The following ADAT1 variants were observed in gnomAD, a reference collection of about 807,000 sequenced individuals.
ADAT1 encodes adenosine deaminase tRNA specific 1.
Under a neutral mutation model 58.6 loss-of-function variants are expected in ADAT1, and 58 were observed. That is an observed-to-expected ratio of 0.99 (90% CI 0.80 to 1.23). The LOEUF is 1.23. Ranked by LOEUF, ADAT1 falls within the 50% of genes most tolerant of loss-of-function variation. The pLI, the probability that ADAT1 is intolerant of heterozygous loss-of-function variation, is 0.00. For missense variants in ADAT1, 741 were observed against 608.6 expected (o/e 1.22, Z -2.29); for synonymous variants, 254 against 220.8 (o/e 1.15, Z -1.33).
At chr16:75,608,559 A>G (rs552120277) in intron 7 of ADAT1, 1 of 582,890 alleles carries the variant, frequency 1.7e-6, no homozygotes, top group Non-Finnish European at 3.0e-6. Flanking sequence ...CTGGGCACAG[A>G]GTAAATGCAT....
At chr16:75,605,414 A>G (rs2081343153) in intron 8 of ADAT1, among the ~76,000 whole-genome samples, 1 of 151,948 alleles carries the variant, frequency 6.6e-6, no homozygotes. Flanking sequence ...TCTTAATAAC[A>G]TTTTCTTTTT....
chr16:75,599,187 T>C lies in ADAT1; in HGVS notation c.*1029A>G. 3.3e-6 allele frequency: 3 copies of C among 919,358 alleles called. No individual in the cohort carries two copies. Among genetic ancestry groups the C allele is most frequent in the African/African-American group, 1.8e-5 (1 of 54,920 alleles). 57.0% of individuals were successfully genotyped at this position (919,358 alleles called of 1,614,324 possible). A position where few individuals can be genotyped will look rare whatever the true frequency, so the allele number is the denominator to read the frequency against. On this transcript the variant is annotated 3_prime_UTR_variant, in exon 10 of 10. Transcript: ENST00000564657. Reference sequence around the variant, plus strand: ...ACCTCCGCCTCCTGGGTTCAAGCAATTCTCCTGCCTCAGCCTCCCGAGTAG... The same window carrying C: ...ACCTCCGCCTCCTGGGTTCAAGCAACTCTCCTGCCTCAGCCTCCCGAGTAG...
At chr16:75,601,506 T>C (rs1202782162) in intron 9 of ADAT1, among the ~76,000 whole-genome samples, 1 of 151,578 alleles carries the variant, frequency 6.6e-6, no homozygotes, top group South Asian at 2.1e-4. Context: ...CCTGTAATCC[T>C]GGCACTTTGG....
In ADAT1 at chr16:75,612,529, C is replaced by T. The variant is rs755046396; in HGVS notation, c.757G>A (p.Val253Met). ...VTRIAPGSAK[V>M]IDVYRTGAKC... ...GCTCCAGTTCTATAAACGTCTATCA[C>T]TTTGGCACTACCAGGGGCTATTCTG... is the stretch of plus-strand genomic sequence containing the variant. The change falls in exon 6 of 10, where the codon GTG (valine) becomes ATG (methionine). Residue 253 changes from valine to methionine, a missense_variant. Val to Met is a conservative substitution (Grantham distance 21). Coordinates refer to ENST00000564657, the MANE Select transcript of ADAT1 (RefSeq NM_001324445.2). The T allele has an allele frequency of 2.5e-6, 4 of 1,614,198 alleles. No individual in the cohort carries two copies. Among genetic ancestry groups the T allele is most frequent in the Non-Finnish European group, 1.7e-6 (2 of 1,180,050 alleles).
chr16:75,620,875 G>A, intron 1 of ADAT1, 55 bp from the exon 2 acceptor site: 2 of 1,457,902 alleles, frequency 1.4e-6, no homozygotes, highest in Non-Finnish European at 1.9e-6. Context: ...AGTGCACGAT[G>A]CTACAGCCTC....
intron 9 of ADAT1, among the ~76,000 whole-genome samples, 163 bp downstream of exon 9, chr16:75,602,922 C>T (rs879245222): frequency 6.6e-6 from 1 of 152,170 alleles, no homozygotes; most frequent in Admixed American, 6.5e-5. Context: ...AGATCATGCA[C>T]GTATCTGCAA....
chr16:75,620,477 G>T, intron 2 of ADAT1, 143 bp from the exon 3 acceptor site: 2 of 1,388,348 alleles, frequency 1.4e-6, no homozygotes, highest in Admixed American at 1.8e-5. Flanking sequence ...GCGGTCTCCC[G>T]CCATCAGAGG....
chr16:75,618,794 G>T (rs941992482), intron 3 of ADAT1, 154 bp from the exon 4 acceptor site: 23 of 823,162 alleles, frequency 2.8e-5, no homozygotes, highest in Non-Finnish European at 4.1e-5. Flanking sequence ...GAATAACAAT[G>T]CATCAGGTGC....
intron 2 of ADAT1, 138 bp from the exon 3 acceptor site, chr16:75,620,472 C>G (rs2081896282): frequency 7.3e-7 from 1 of 1,372,996 alleles, no homozygotes; most frequent in Non-Finnish European, 1.0e-6. Flanking sequence ...GCATGGCGGT[C>G]TCCCGCCATC....
Position 75,600,055 on chromosome 16 carries a change from G to A in ADAT1, c.*161C>T. On this transcript the variant is annotated 3_prime_UTR_variant, in exon 10 of 10. Transcript: ENST00000564657. ...CAGAGAGCTACTTCAATCAAGTATA[G>A]CTTGCTCTAAGTTCCAGATTCCATC... 2.7e-6 allele frequency: 4 copies of A among 1,481,778 alleles called. No homozygotes were observed. The South Asian group carries it at 5.7e-5, about 21-fold the overall frequency. 91.8% of individuals were successfully genotyped at this position (1,481,778 alleles called of 1,614,324 possible).
chr16:75,612,173 G>A (rs1167430365), intron 6 of ADAT1, 70 bp downstream of exon 6: 2 of 1,505,756 alleles, frequency 1.3e-6, no homozygotes, highest in Non-Finnish European at 1.8e-6. Flanking sequence ...GATTCTTAAT[G>A]CTCTTAGGCC....
intron 8 of ADAT1, among the ~76,000 whole-genome samples, chr16:75,605,689 A>T (rs554931474): frequency 3.7e-4 from 57 of 152,094 alleles, no homozygotes; most frequent in African/African-American, 1.3e-3. Flanking sequence ...TAATCCCAGC[A>T]CTTTGGGAGG....
chr16:75,608,777 C>A (rs1045753402), intron 7 of ADAT1, 66 bp downstream of exon 7: 7 of 1,556,030 alleles, frequency 4.5e-6, no homozygotes, highest in Admixed American at 4.1e-5. Context: ...AGGATGCCGA[C>A]CCTCTGGGGC....
intron 1 of ADAT1, among the ~76,000 whole-genome samples, 169 bp from the exon 2 acceptor site, chr16:75,620,989 T>C (rs1310894707): frequency 6.6e-6 from 1 of 152,214 alleles, no homozygotes; most frequent in African/African-American, 2.4e-5. Context: ...CCTTTTCATC[T>C]TTAATGAAAG....
intron 5 of ADAT1, among the ~76,000 whole-genome samples, chr16:75,616,573 AC>A (rs1410184294): frequency 1.3e-5 from 2 of 152,094 alleles, no homozygotes; most frequent in Non-Finnish European, 2.9e-5. Flanking sequence ...CGGAAATGAC[AC>A]CCCCTTCACC....
rs372845498 is a variant in ADAT1 at position 75,612,417 on chromosome 16, C to A, written c.869G>T (p.Arg290Leu). The change falls in exon 6 of 10, where the codon CGT (arginine) becomes CTT (leucine). Residue 290 changes from arginine (R) to leucine (L), a missense_variant. Coordinates refer to ENST00000564657, the MANE Select transcript of ADAT1 (RefSeq NM_001324445.2). ...GGACATGGAGCGTGTTCTGTCTCCA[C>A]GGCCTGGCTTCACTCGGAGCAGCCC... is the stretch of plus-strand genomic sequence containing the variant. ...QVGLLRVKPG[R>L]GDRTRSMSCS... 1.2e-6 allele frequency: 2 copies of A among 1,614,228 alleles called. No individual in the cohort carries two copies. The highest frequency in any genetic ancestry group is 1.1e-5 in the South Asian group (1 of 91,090).
In ADAT1 at chr16:75,599,074, CTTTTTTTTTT is replaced by C. The variant is rs1051010531; in HGVS notation, c.*1132_*1141del. On this transcript the variant is annotated 3_prime_UTR_variant, in exon 10 of 10. Transcript: ENST00000564657. The stretch of plus-strand genomic sequence containing the variant: ...GATTTGCTGCAGGGCCTTTTGGCTT[CTTTTTTTTTT>C]TTTTTTTTTTTTTTTGAGATAGGGT... 1.7e-5 allele frequency: 15 copies of C among 858,644 alleles called. No individual in the cohort carries two copies. Among genetic ancestry groups the C allele is most frequent in the Admixed American group, 3.2e-4 (2 of 6,256 alleles). 53.2% of individuals were successfully genotyped at this position (858,644 alleles called of 1,614,324 possible).
At chr16:75,613,393 C>G (rs1316680664) in intron 5 of ADAT1, among the ~76,000 whole-genome samples, 2 of 152,158 alleles carry the variant, frequency 1.3e-5, no homozygotes. Flanking sequence ...TCTCTACCTC[C>G]TGGGTTCAAG....
At chr16:75,612,219 A>G (rs757595378) in intron 6 of ADAT1, 24 bp downstream of exon 6, 17 of 1,604,928 alleles carry the variant, frequency 1.1e-5, no homozygotes, top group Admixed American at 1.7e-5. Context: ...GACTGTTCCA[A>G]TTGAGCCCTC....
Sources: allele counts gnomAD v4.1 joint callset (sites outside exome capture counted in the v4.1 genomes callset), GRCh38; gene constraint gnomAD v4.1.1; transcripts MANE v1.5; gene names NCBI Gene and HGNC (gene_info 2026-07-23, HGNC 2026-07-21).